BLK: variants seen among roughly 807,000 people sequenced by gnomAD.
The protein encoded by BLK is tyrosine-protein kinase Blk.
BLK carries 64 observed loss-of-function variants against 61.8 expected under a neutral mutation model. The observed-to-expected ratio is 1.03, with a 90% confidence interval of 0.85 to 1.27. The LOEUF (loss-of-function observed/expected upper bound fraction) is 1.27. BLK is among the 50% of genes most tolerant of loss of function. BLK has a pLI of 0.00. For synonymous variants in BLK, 351 were observed against 272.0 expected, an observed-to-expected ratio of 1.29 and a Z score of -2.86; for missense variants, 853 against 660.5, an observed-to-expected ratio of 1.29 and a Z score of -3.19.
At chr8:11,549,352 G>A (rs1440119427) in intron 5 of BLK, among the ~76,000 whole-genome samples, 1 of 152,182 alleles carries the variant, frequency 6.6e-6, no homozygotes, top group South Asian at 2.1e-4. Context: ...AAACAAGAGC[G>A]GTCCTTCTCC....
intron 1 of BLK, among the ~76,000 whole-genome samples, chr8:11,534,507 T>C (rs1585372864): frequency 6.6e-6 from 1 of 152,196 alleles, no homozygotes; most frequent in South Asian, 2.1e-4. Flanking sequence ...GGTGACTCGA[T>C]AAACAAGTGT....
At chr8:11,559,530 C>G (rs966877598) in intron 10 of BLK, among the ~76,000 whole-genome samples, 2 of 152,086 alleles carry the variant, frequency 1.3e-5, no homozygotes, top group African/African-American at 2.4e-5. Flanking sequence ...AACACACACA[C>G]AAACACGCAA....
intron 1 of BLK, among the ~76,000 whole-genome samples, chr8:11,512,061 A>T (rs1014928718): frequency 6.6e-6 from 1 of 152,234 alleles, no homozygotes; most frequent in Non-Finnish European, 1.5e-5. Context: ...ATGGGGCCTG[A>T]AAATACAAAG....
chr8:11,526,132 C>T (rs1218608351), intron 1 of BLK, among the ~76,000 whole-genome samples: 2 of 152,142 alleles, frequency 1.3e-5, no homozygotes, highest in African/African-American at 4.8e-5. Context: ...AATACTAATG[C>T]CAATATCTCT....
chr8:11,499,030 G>C (rs1192598634), intron 1 of BLK, among the ~76,000 whole-genome samples: 1 of 152,200 alleles, frequency 6.6e-6, no homozygotes, highest in Non-Finnish European at 1.5e-5. Flanking sequence ...TCTCAAAAGA[G>C]AAAGTAAATT....
intron 1 of BLK, among the ~76,000 whole-genome samples, chr8:11,533,204 A>T (rs1799961868): frequency 6.6e-6 from 1 of 152,210 alleles, no homozygotes; most frequent in South Asian, 2.1e-4. Context: ...CAGTAATTAC[A>T]ATCAACCCAA....
intron 6 of BLK, among the ~76,000 whole-genome samples, chr8:11,550,953 G>A (rs529129727): frequency 6.6e-6 from 1 of 152,298 alleles, no homozygotes; most frequent in East Asian, 1.9e-4. Context: ...ACAGCCAAGA[G>A]AAAGAGCATC....
intron 5 of BLK, among the ~76,000 whole-genome samples, chr8:11,549,457 T>C: frequency 6.6e-6 from 1 of 152,198 alleles, no homozygotes; most frequent in Non-Finnish European, 1.5e-5. Context: ...ACAGCCTCCA[T>C]GGGCAGGACT....
chr8:11,512,423 C>G (rs1421826983), intron 1 of BLK, among the ~76,000 whole-genome samples: 1 of 152,244 alleles, frequency 6.6e-6, no homozygotes. Context: ...TGTCAGCCAT[C>G]TGACACAGAT....
At chr8:11,508,128 T>G (rs1798854856) in intron 1 of BLK, among the ~76,000 whole-genome samples, 1 of 152,194 alleles carries the variant, frequency 6.6e-6, no homozygotes, top group Non-Finnish European at 1.5e-5. Context: ...AGAGCCAAAG[T>G]GCAGGCTCAG....
intron 1 of BLK, among the ~76,000 whole-genome samples, chr8:11,526,606 C>A (rs1230273649): frequency 6.6e-6 from 1 of 152,178 alleles, no homozygotes; most frequent in Non-Finnish European, 1.5e-5. Flanking sequence ...GTCGTCCCAG[C>A]TACTTGGGAG....
chr8:11,530,393 A>G (rs1799837699), intron 1 of BLK, among the ~76,000 whole-genome samples: 1 of 152,204 alleles, frequency 6.6e-6, no homozygotes, highest in Non-Finnish European at 1.5e-5. Context: ...CAGTTCCTCC[A>G]AGGGGCTTTC....
chr8:11,542,096 G>C (rs924092954), intron 1 of BLK, among the ~76,000 whole-genome samples: 6 of 152,154 alleles, frequency 3.9e-5, no homozygotes, highest in African/African-American at 1.4e-4. Flanking sequence ...AATGACATGA[G>C]GAATGTGCTT....
At chr8:11,543,197 C>T (rs1321053236) in intron 1 of BLK, 27 bp from the exon 2 acceptor site, 7 of 1,613,324 alleles carry the variant, frequency 4.3e-6, no homozygotes, top group Non-Finnish European at 5.9e-6. Context: ...TCTCTCATGT[C>T]CTCTGTCTGC....
rs886062601 is a variant in BLK at position 11,564,484 on chromosome 8, C to T, written c.*376C>T. On this transcript the variant is annotated 3_prime_UTR_variant, in exon 13 of 13. Transcript: ENST00000259089. ...GCCTCTGCGCCCTGCGTGGACCCCG[C>T]CCTGCCCCGCTACAGAAGCCAGACT... The T allele has an allele frequency of 3.3e-5, 17 of 520,682 alleles. No homozygotes were observed. Among genetic ancestry groups the T allele is most frequent in the Non-Finnish European group, 5.6e-5 (15 of 268,964 alleles). 32.3% of individuals were successfully genotyped at this position (520,682 alleles called of 1,614,324 possible).
rs193182476 is a variant in BLK, at chr8:11,508,772, C to A, written c.-2+14181C>A. ...GTGTGCACCCATCTCTCCTTCTGACCCAAACGCAACTGTGATGGGGGCCGG... is the reference window on the plus strand; with the variant it reads ...GTGTGCACCCATCTCTCCTTCTGACACAAACGCAACTGTGATGGGGGCCGG... On this transcript the variant is annotated intron_variant, in intron 1 of 12. Transcript: ENST00000259089. 3.1e-3 allele frequency among the ~76,000 whole-genome samples: 476 copies of A among 152,318 alleles called. 2 individuals are homozygous for A. The highest frequency in any genetic ancestry group is 0.011 in the African/African-American group (466 of 41,558).
intron 1 of BLK, among the ~76,000 whole-genome samples, chr8:11,516,451 C>T (rs899850050): frequency 6.6e-6 from 1 of 152,202 alleles, no homozygotes; most frequent in Non-Finnish European, 1.5e-5. Flanking sequence ...CCCAGAGGAT[C>T]TTTCTGACCT....
chr8:11,495,089 A>G (rs2117218604), intron 1 of BLK, among the ~76,000 whole-genome samples: 1 of 152,356 alleles, frequency 6.6e-6, no homozygotes, highest in East Asian at 1.9e-4. Context: ...GCATTCAGGA[A>G]TGGGGTAACT....
intron 1 of BLK, among the ~76,000 whole-genome samples, chr8:11,528,954 G>T (rs1001888772): frequency 1.3e-5 from 2 of 152,126 alleles, no homozygotes; most frequent in Admixed American, 6.5e-5. Context: ...CTATTGGGGA[G>T]CGGGAAGGAG....
Sources: gnomAD v4.1 joint callset for allele counts (sites outside exome capture counted in the v4.1 genomes callset) on GRCh38, gnomAD v4.1.1 for gene constraint, MANE v1.5 for transcripts, NCBI Gene and HGNC (gene_info 2026-07-23, HGNC 2026-07-21) for gene names.